TUSC3: variants seen among roughly 807,000 people sequenced by gnomAD.
The protein encoded by TUSC3 is tumor suppressor candidate 3, also known as dolichyl-diphosphooligosaccharide--protein glycosyltransferase subunit TUSC3.
Under a neutral mutation model 44.8 loss-of-function variants are expected in TUSC3, and 45 were observed. The observed-to-expected ratio is 1.00, with a 90% CI of 0.79 to 1.29. TUSC3 has a LOEUF of 1.29. Ranked by LOEUF, TUSC3 falls within the 50% of genes most tolerant of loss-of-function variation. The pLI, the probability that TUSC3 is intolerant of heterozygous loss-of-function variation, is 0.00. For synonymous variants in TUSC3, 212 were observed against 152.9 expected (o/e 1.39, Z -2.85); for missense variants, 519 against 437.9 (o/e 1.19, Z -1.65).
At chr8:15,810,590 A>G in the TUSC3 span, among the ~76,000 whole-genome samples, 296 of 152,096 alleles carry the variant, frequency 1.9e-3, 2 homozygotes, top group Non-Finnish European at 1.6e-3. Flanking sequence ...ATGAGCCATG[A>G]TGGCACTACT....
chr8:15,427,714 G>T (rs1376850463), intron 1 of TUSC3, among the ~76,000 whole-genome samples: 3 of 152,144 alleles, frequency 2.0e-5, no homozygotes, highest in Non-Finnish European at 2.9e-5. Context: ...GAGGAGGCAA[G>T]AATTGAGGTT....
chr8:15,448,205 G>T (rs1279952843), intron 1 of TUSC3, among the ~76,000 whole-genome samples: 1 of 150,562 alleles, frequency 6.6e-6, no homozygotes, highest in Non-Finnish European at 1.5e-5. Context: ...TGCAACCTCT[G>T]CCTCCTGGGT....
At position 15,543,380 on chromosome 8, in the gene TUSC3, A is replaced by G. The variant is rs1048414778; in HGVS notation, c.138+2812A>G. Among the ~76,000 whole-genome samples, 3 of 152,188 alleles carry G rather than the reference A, an allele frequency of 2.0e-5. No individual in the cohort carries two copies. In the South Asian group the frequency reaches 6.2e-4, roughly 32 times the overall value. Reference sequence around the variant, plus strand: ...CATTAGTTGATTTAAAGGAAGTAATATTTAGTAGTTATGACAGTAATACCA... The same window carrying G: ...CATTAGTTGATTTAAAGGAAGTAATGTTTAGTAGTTATGACAGTAATACCA... On this transcript the variant is annotated intron_variant, in intron 1 of 10. Transcript: ENST00000503731.
chr8:15,571,229 C>T (rs1257975831), intron 1 of TUSC3, among the ~76,000 whole-genome samples: 1 of 151,956 alleles, frequency 6.6e-6, no homozygotes, highest in African/African-American at 2.4e-5. Context: ...GTTGGGATTA[C>T]AGGCGTGAGC....
At chr8:15,808,637 TAA>T in the TUSC3 span, among the ~76,000 whole-genome samples, 38 of 152,260 alleles carry the variant, frequency 2.5e-4, no homozygotes, top group African/African-American at 8.7e-4. Context: ...AGCCCAAGCA[TAA>T]GTCTTTTATA....
intron 3 of TUSC3, among the ~76,000 whole-genome samples, chr8:15,659,279 G>T (rs2129178919): frequency 6.6e-6 from 1 of 152,126 alleles, no homozygotes; most frequent in Non-Finnish European, 1.5e-5. Context: ...TGCATAATTT[G>T]AATGATGTAT....
chr8:15,435,150 C>T (rs966231076), intron 1 of TUSC3, among the ~76,000 whole-genome samples: 1 of 149,658 alleles, frequency 6.7e-6, no homozygotes, highest in Non-Finnish European at 1.5e-5. Context: ...ACAGTCCCAC[C>T]AACATTGTAA....
intron 6 of TUSC3, among the ~76,000 whole-genome samples, chr8:15,720,564 C>G (rs542908040): frequency 1.3e-5 from 2 of 152,174 alleles, no homozygotes; most frequent in African/African-American, 4.8e-5. Flanking sequence ...AAGATAAAGT[C>G]TCTGATGTCA....
chr8:15,498,991 G>A (rs1800919979), intron 2 of TUSC3, among the ~76,000 whole-genome samples: 1 of 152,120 alleles, frequency 6.6e-6, no homozygotes, highest in Non-Finnish European at 1.5e-5. Flanking sequence ...AACTAGTCCT[G>A]AGAGTAGGTA....
At chr8:15,435,099 A>C (rs1459538211) in intron 1 of TUSC3, among the ~76,000 whole-genome samples, 1 of 148,944 alleles carries the variant, frequency 6.7e-6, no homozygotes, top group African/African-American at 2.6e-5. Context: ...TAGATCCCTG[A>C]GGAATCGCCA....
rs568116028 is a variant in TUSC3, at chr8:15,760,229, A to G, written c.*46+2374A>G. The stretch of plus-strand genomic sequence containing the variant: ...TACAGGTAAGCAAAATGAAGAAAAT[A>G]TATTCATAAATCCCAACACCCAGGT... On this transcript the variant is annotated intron_variant, in intron 10 of 10. Coordinates refer to ENST00000503731, the MANE Select transcript of TUSC3 (RefSeq NM_006765.4). Among the ~76,000 whole-genome samples the G allele has an allele frequency of 5.9e-5, 9 of 152,304 alleles. 1 individual carries two copies. The highest frequency in any genetic ancestry group is 3.4e-3 in the Middle Eastern group (1 of 294).
intron 8 of TUSC3, among the ~76,000 whole-genome samples, chr8:15,744,996 A>G (rs1563201868): frequency 6.6e-6 from 1 of 152,026 alleles, no homozygotes; most frequent in Non-Finnish European, 1.5e-5. Flanking sequence ...TTATGTTCAT[A>G]TGTACACAAT....
chr8:15,673,064 T>C (rs759369510), intron 5 of TUSC3, among the ~76,000 whole-genome samples: 4 of 152,098 alleles, frequency 2.6e-5, no homozygotes, highest in Admixed American at 6.6e-5. Flanking sequence ...ACCTCAGTTA[T>C]ACTGATTGAA....
the TUSC3 span, among the ~76,000 whole-genome samples, chr8:15,779,832 C>T: frequency 6.6e-6 from 1 of 152,118 alleles, no homozygotes. Context: ...CCAAACTAGG[C>T]AGAAGGGAAC....
chr8:15,683,361 T>A (rs980124191), intron 6 of TUSC3, among the ~76,000 whole-genome samples: 1 of 152,158 alleles, frequency 6.6e-6, no homozygotes. Flanking sequence ...TTTCTTTATT[T>A]TTATCTGACT....
the TUSC3 span, among the ~76,000 whole-genome samples, chr8:15,787,763 C>A: frequency 6.6e-6 from 1 of 152,038 alleles, no homozygotes; most frequent in African/African-American, 2.4e-5. Context: ...TGAAAGTGTC[C>A]GTGACAATAT....
At chr8:15,786,720 G>A in the TUSC3 span, among the ~76,000 whole-genome samples, 2 of 151,848 alleles carry the variant, frequency 1.3e-5, no homozygotes, top group Admixed American at 6.6e-5. Flanking sequence ...CGAGGCGGTG[G>A]ATCACGAGGT....
chr8:15,820,498 T>A, the TUSC3 span, among the ~76,000 whole-genome samples: 1 of 151,996 alleles, frequency 6.6e-6, no homozygotes, highest in Non-Finnish European at 1.5e-5. Flanking sequence ...TTTTGTATTT[T>A]TAGTAGAGAT....
intron 1 of TUSC3, among the ~76,000 whole-genome samples, chr8:15,451,603 T>A (rs905461192): frequency 1.3e-5 from 2 of 152,146 alleles, no homozygotes; most frequent in African/African-American, 2.4e-5. Flanking sequence ...GCCAAATGCA[T>A]CTCTTCCATC....
Sources: allele counts gnomAD v4.1 joint callset (sites outside exome capture counted in the v4.1 genomes callset), GRCh38; gene constraint gnomAD v4.1.1; transcripts MANE v1.5; gene names NCBI Gene and HGNC (gene_info 2026-07-23, HGNC 2026-07-21).